Variants in RBMS3 observed in about 807,000 individuals in gnomAD.
RBMS3 encodes RNA-binding motif, single-stranded-interacting protein 3.
In RBMS3, 27 loss-of-function variants were observed where a neutral mutation model predicts 66.8. The observed-to-expected ratio is 0.40, with a 90% CI of 0.30 to 0.56. The LOEUF (loss-of-function observed/expected upper bound fraction) is 0.56. Among genes scored for constraint, RBMS3 ranks in the 20% least tolerant of loss-of-function variants. The pLI, the probability that RBMS3 is intolerant of heterozygous loss-of-function variation, is 0.40. For synonymous variants in RBMS3, 188 were observed against 183.0 expected (o/e 1.03, Z -0.22); for missense variants, 513 against 549.5 (o/e 0.93, Z 0.66).
At chr3:29,503,962 G>A (rs955745603) in intron 3 of RBMS3, among the ~76,000 whole-genome samples, 2 of 152,088 alleles carry the variant, frequency 1.3e-5, no homozygotes, top group African/African-American at 4.8e-5. Flanking sequence ...TCGAGTTAAA[G>A]CATTACCTGA....
chr3:29,970,427 CTATT>C (rs774723526), intron 12 of RBMS3, among the ~76,000 whole-genome samples: 2 of 152,114 alleles, frequency 1.3e-5, no homozygotes, highest in Non-Finnish European at 2.9e-5. Flanking sequence ...GTTTGCTTAT[CTATT>C]TATTTCATTA....
Position 29,354,519 on chromosome 3 carries a change from CATAGAT to C in RBMS3, c.75+72772_75+72777del, listed in dbSNP as rs2037105478. Among the ~76,000 whole-genome samples the C allele has an allele frequency of 2.0e-5, 3 of 152,020 alleles. No homozygotes were observed. In the South Asian group the frequency reaches 6.2e-4, roughly 31 times the overall value. On this transcript the variant is annotated intron_variant, in intron 1 of 14. Transcript: ENST00000383767. ...GTGTTTATGTGTGTATAGATATAGA[CATAGAT>C]ATAGATATTCTTGACTATTTGTATC...
chr3:29,978,043 T>C (rs1697716230), intron 12 of RBMS3, among the ~76,000 whole-genome samples: 1 of 152,164 alleles, frequency 6.6e-6, no homozygotes, highest in African/African-American at 2.4e-5. Flanking sequence ...ATTAGCTGGA[T>C]AAAATGAAAG....
At chr3:29,995,817 C>T (rs1157606745) in intron 14 of RBMS3, among the ~76,000 whole-genome samples, 1 of 152,132 alleles carries the variant, frequency 6.6e-6, no homozygotes. Flanking sequence ...AAAATCATGC[C>T]AAAATGTAAA....
chr3:29,628,995 G>T (rs747008184), intron 4 of RBMS3, among the ~76,000 whole-genome samples: 1 of 152,054 alleles, frequency 6.6e-6, no homozygotes, highest in African/African-American at 2.4e-5. Context: ...CTCTACCGAT[G>T]TCTCTGGGGT....
In RBMS3 at chr3:29,884,422, T is replaced by TTTTCTC. The variant is rs777331613; in HGVS notation, c.791+215_791+216insTTCTCT. ...ATGCCTCTGCCCACATTAAACCCTG[T>TTTTCTC]TCTCTCTCTCTCTCTCTCTCTCTCT... On this transcript the variant is annotated intron_variant, in intron 8 of 14. Transcript: ENST00000383767. Among the ~76,000 whole-genome samples, 142 of 41,852 alleles carry TTTTCTC rather than the reference T, an allele frequency of 3.4e-3. 5 individuals carry two copies. The highest frequency in any genetic ancestry group is 0.014 in the African/African-American group (134 of 9,658). The allele number at this position is 41,852 out of a possible 152,430, so 27.5% of individuals were successfully genotyped here. A position where few individuals can be genotyped will look rare whatever the true frequency, so the allele number is the denominator to read the frequency against.
intron 2 of RBMS3, among the ~76,000 whole-genome samples, chr3:29,485,645 A>G (rs890274814): frequency 6.6e-6 from 1 of 152,194 alleles, no homozygotes; most frequent in African/African-American, 2.4e-5. Flanking sequence ...TTTCCCTTGA[A>G]AAGTTCAAAC....
chr3:29,384,230 C>G (rs1354656379), intron 1 of RBMS3, among the ~76,000 whole-genome samples: 1 of 151,954 alleles, frequency 6.6e-6, no homozygotes, highest in Non-Finnish European at 1.5e-5. Flanking sequence ...GTGGGAAGAT[C>G]TCTTGAACCC....
At chr3:29,525,528 A>T (rs906133528) in intron 3 of RBMS3, among the ~76,000 whole-genome samples, 1 of 152,206 alleles carries the variant, frequency 6.6e-6, no homozygotes, top group Non-Finnish European at 1.5e-5. Context: ...CAGCTTATTA[A>T]AAGTAGCATG....
At chr3:29,497,555 A>G (rs553624799) in intron 3 of RBMS3, among the ~76,000 whole-genome samples, 5 of 152,238 alleles carry the variant, frequency 3.3e-5, no homozygotes, top group Admixed American at 1.3e-4. Flanking sequence ...CTAGTAGTCT[A>G]TGTAAATTAT....
intron 14 of RBMS3, among the ~76,000 whole-genome samples, chr3:30,001,932 G>C (rs964170543): frequency 1.3e-5 from 2 of 151,960 alleles, no homozygotes; most frequent in Non-Finnish European, 2.9e-5. Flanking sequence ...TTATGTAAAT[G>C]TGCACATTCA....
Position 29,762,925 on chromosome 3 carries a change from A to G in RBMS3, c.573A>G (p.Glu191=), listed in dbSNP as rs758819558. 2 of 1,609,272 alleles carry G rather than the reference A, an allele frequency of 1.2e-6. No homozygotes were observed. Among genetic ancestry groups the G allele is most frequent in the Admixed American group, 1.7e-5 (1 of 59,374 alleles). The change falls in exon 6 of 15, where the codon GAA becomes GAG. Residue 191 remains glutamate (E), a synonymous_variant. Coordinates refer to ENST00000383767, the MANE Select transcript of RBMS3 (RefSeq NM_001003793.3). ...GVGFARMEST[E]KCEVVIQHFN... ...TTTTTCCCAGAATGGAGTCTACTGA[A>G]AAATGTGAAGTGGTAATTCAACATT...
intron 10 of RBMS3, among the ~76,000 whole-genome samples, chr3:29,918,501 G>A (rs1296666547): frequency 3.3e-5 from 5 of 151,968 alleles, no homozygotes; most frequent in Admixed American, 6.6e-5. Flanking sequence ...CAAATGTACC[G>A]TAATTTAATT....
chr3:29,977,282 A>G (rs762070668), intron 12 of RBMS3, among the ~76,000 whole-genome samples: 7 of 152,142 alleles, frequency 4.6e-5, no homozygotes, highest in Non-Finnish European at 7.4e-5. Context: ...ATTGAAATGC[A>G]GGAACTTCCT....
intron 6 of RBMS3, among the ~76,000 whole-genome samples, chr3:29,824,882 G>T (rs188951141): frequency 6.6e-6 from 1 of 151,978 alleles, no homozygotes; most frequent in African/African-American, 2.4e-5. Flanking sequence ...AATAATGTAT[G>T]ATTATTTTTA....
Position 30,008,739 on chromosome 3 carries a change from GTT to G in RBMS3, c.*4878_*4879del, listed in dbSNP as rs1409640345. ...ACATCCACTGTGGCATTGGAAGACA[GTT>G]GGGTCTGACTCAAGTTTAACATTTC... On this transcript the variant is annotated 3_prime_UTR_variant, in exon 15 of 15. Transcript: ENST00000383767. 1 of 152,120 alleles carries G rather than the reference GTT, an allele frequency of 6.6e-6. No homozygotes were observed. The highest frequency in any genetic ancestry group is 2.4e-5 in the African/African-American group (1 of 41,440). 9.4% of individuals were successfully genotyped at this position (152,120 alleles called of 1,614,324 possible). A position where few individuals can be genotyped will look rare whatever the true frequency, so the allele number is the denominator to read the frequency against.
intron 12 of RBMS3, among the ~76,000 whole-genome samples, chr3:29,961,532 T>C (rs1417048270): frequency 1.3e-5 from 2 of 152,088 alleles, no homozygotes; most frequent in East Asian, 3.9e-4. Context: ...TATGAAGAAC[T>C]TCATGAGACT....
chr3:29,418,531 A>G (rs993585975), intron 1 of RBMS3, among the ~76,000 whole-genome samples: 1 of 152,130 alleles, frequency 6.6e-6, no homozygotes, highest in African/African-American at 2.4e-5. Flanking sequence ...GAATATTATA[A>G]TACTCCAAAA....
At chr3:29,749,486 T>C (rs1161024224) in intron 5 of RBMS3, among the ~76,000 whole-genome samples, 1 of 152,202 alleles carries the variant, frequency 6.6e-6, no homozygotes, top group Non-Finnish European at 1.5e-5. Context: ...TTGGCTTTGC[T>C]AGAACTTTTT....
Sources: gnomAD v4.1 joint callset for allele counts (sites outside exome capture counted in the v4.1 genomes callset) on GRCh38, gnomAD v4.1.1 for gene constraint, MANE v1.5 for transcripts, NCBI Gene and HGNC (gene_info 2026-07-23, HGNC 2026-07-21) for gene names.